The following VPS13D variants were observed in gnomAD, a reference collection of about 807,000 sequenced individuals.
VPS13D encodes the protein vacuolar protein sorting 13 homolog D, also known as intermembrane lipid transfer protein VPS13D.
In VPS13D, 187 loss-of-function variants were observed where a neutral mutation model predicts 461.9. The observed-to-expected ratio is 0.40, with a 90% CI of 0.36 to 0.46. The LOEUF (loss-of-function observed/expected upper bound fraction) is 0.46, where lower values mean the gene tolerates loss of function less well. Ranked by LOEUF, VPS13D falls within the 20% of genes least tolerant of loss-of-function variation. The pLI is 0.60. For synonymous variants in VPS13D, 1,951 were observed against 1,986.3 expected (o/e 0.98, Z 0.47); for missense variants, 4,711 against 5,364.9 (o/e 0.88, Z 3.81).
chr1:12,392,545 T>TAAA (rs139602760), intron 60 of VPS13D, among the ~76,000 whole-genome samples: 7 of 129,302 alleles, frequency 5.4e-5, no homozygotes, highest in African/African-American at 1.4e-4. Context: ...GTATAAATGT[T>TAAA]AAAAAAAAAA....
intron 55 of VPS13D, among the ~76,000 whole-genome samples, chr1:12,374,669 C>T (rs1489612371): frequency 2.6e-5 from 4 of 152,170 alleles, no homozygotes; most frequent in African/African-American, 4.8e-5. Context: ...ATGTGTCATT[C>T]AGTATGGGCT....
intron 65 of VPS13D, among the ~76,000 whole-genome samples, chr1:12,435,877 C>T (rs1645054088): frequency 6.6e-6 from 1 of 152,162 alleles, no homozygotes; most frequent in East Asian, 1.9e-4. Context: ...GCTGTACCAT[C>T]CAGGCCAAAG....
chr1:12,311,901 A>G lies in VPS13D; in HGVS notation c.6911A>G (p.Lys2304Arg), dbSNP rs1170155509. 6.2e-7 allele frequency: 1 copy of G among 1,614,156 alleles called. No homozygotes were observed. The change falls in exon 29 of 70, where the codon AAA (lysine) becomes AGA (arginine). Residue 2304 changes from lysine to arginine, a missense_variant. Transcript: ENST00000620676. The part of the protein sequence containing the change: ...VSLELKDPKR[K>R]EGAGSLARFD... ...CTGGAGCTTAAAGATCCAAAAAGAAAAGAAGGTGCTGGGTCCCTAGCCAGG... is the reference window on the plus strand; with the variant it reads ...CTGGAGCTTAAAGATCCAAAAAGAAGAGAAGGTGCTGGGTCCCTAGCCAGG...
At chr1:12,328,236 A>G (rs573928924) in intron 36 of VPS13D, among the ~76,000 whole-genome samples, 1 of 152,304 alleles carries the variant, frequency 6.6e-6, no homozygotes, top group South Asian at 2.1e-4. Context: ...AAAATCAAAA[A>G]CAAGAATCTT....
chr1:12,323,493 C>T (rs1643098894), intron 34 of VPS13D, among the ~76,000 whole-genome samples: 1 of 151,754 alleles, frequency 6.6e-6, no homozygotes, highest in Non-Finnish European at 1.5e-5. Flanking sequence ...CTGGCCAGGA[C>T]ACCACTTTAA....
chr1:12,383,536 G>A (rs1644310968), intron 58 of VPS13D, among the ~76,000 whole-genome samples: 3 of 152,182 alleles, frequency 2.0e-5, no homozygotes, highest in South Asian at 4.1e-4. Flanking sequence ...GTTAATGAGA[G>A]TAGGAGTGGA....
rs1316291417 is a variant in VPS13D, at chr1:12,381,976, TTCTTTC to T, written c.11191-996_11191-991del. Among the ~76,000 whole-genome samples the T allele has an allele frequency of 4.4e-3, 614 of 138,426 alleles. 2 individuals are homozygous for T. The highest frequency in any genetic ancestry group is 0.011 in the East Asian group (48 of 4,234). 90.8% of individuals were successfully genotyped at this position (138,426 alleles called of 152,430 possible). A position where few individuals can be genotyped will look rare whatever the true frequency, so the allele number is the denominator to read the frequency against. On this transcript the variant is annotated intron_variant, in intron 57 of 69. Coordinates refer to ENST00000620676, the MANE Select transcript of VPS13D (RefSeq NM_015378.4). ...TTTCTTTCTTTCTTTCTTTCTTTCT[TTCTTTC>T]TCTCTCTCTCTCTCCTTCCTTCCTT... is the stretch of plus-strand genomic sequence containing the variant.
chr1:12,492,982 G>A lies in VPS13D; in HGVS notation c.12663-4518G>A, dbSNP rs181855803. Among the ~76,000 whole-genome samples the A allele has an allele frequency of 7.3e-5, 11 of 151,370 alleles. 1 individual carries two copies. The highest frequency in any genetic ancestry group is 2.4e-4 in the African/African-American group (10 of 41,366). ...AAAAGCACAGGAATGAGAAACACAA[G>A]ATTCAGAACAGCGGCTGCCTTAGTT... On this transcript the variant is annotated intron_variant, in intron 67 of 69. Coordinates refer to ENST00000620676, the MANE Select transcript of VPS13D (RefSeq NM_015378.4).
intron 65 of VPS13D, among the ~76,000 whole-genome samples, chr1:12,424,205 A>G (rs1481903691): frequency 1.3e-5 from 2 of 152,200 alleles, no homozygotes; most frequent in Non-Finnish European, 2.9e-5. Flanking sequence ...CTATTTTCAA[A>G]AAGACTTTGA....
At chr1:12,451,020 C>T (rs1645256085) in intron 65 of VPS13D, among the ~76,000 whole-genome samples, 1 of 152,182 alleles carries the variant, frequency 6.6e-6, no homozygotes, top group Non-Finnish European at 1.5e-5. Flanking sequence ...GAGAGAAATT[C>T]AAGCCCCAGC....
Position 12,509,493 on chromosome 1 carries a change from A to T in VPS13D, c.*469A>T, listed in dbSNP as rs1395419107. 6.5e-6 allele frequency: 1 copy of T among 153,030 alleles called. No individual in the cohort carries two copies. Among genetic ancestry groups the T allele is most frequent in the East Asian group, 1.9e-4 (1 of 5,208 alleles). 9.5% of individuals were successfully genotyped at this position (153,030 alleles called of 1,614,324 possible). ...ACTGTCTATAGAAAGGCATTCTTAAAAGTTAAAGAATGTTACGTCTTAGTT... is the reference window on the plus strand; with the variant it reads ...ACTGTCTATAGAAAGGCATTCTTAATAGTTAAAGAATGTTACGTCTTAGTT... On this transcript the variant is annotated 3_prime_UTR_variant, in exon 70 of 70. Transcript: ENST00000620676.
At chr1:12,342,053 A>G (rs1180992830) in intron 41 of VPS13D, among the ~76,000 whole-genome samples, 168 bp downstream of exon 41, 1 of 152,100 alleles carries the variant, frequency 6.6e-6, no homozygotes, top group Admixed American at 6.5e-5. Context: ...TTTGTAGAGA[A>G]TCTATAGTCA....
chr1:12,278,121 A>G, intron 19 of VPS13D, 83 bp downstream of exon 19: 3 of 1,376,396 alleles, frequency 2.2e-6, no homozygotes, highest in African/African-American at 1.4e-5. Context: ...AACAGCAACA[A>G]TAAAATCCTT....
At chr1:12,408,466 T>TGA (rs1644683449) in intron 63 of VPS13D, among the ~76,000 whole-genome samples, 1 of 152,178 alleles carries the variant, frequency 6.6e-6, no homozygotes, top group South Asian at 2.1e-4. Flanking sequence ...TGGGCTCAGA[T>TGA]GATCCTCTCA....
intron 67 of VPS13D, among the ~76,000 whole-genome samples, chr1:12,488,691 A>G (rs1645836102): frequency 6.6e-6 from 1 of 150,700 alleles, no homozygotes; most frequent in South Asian, 2.1e-4. Context: ...AAAAAAAAAA[A>G]AGTAGTGAAA....
intron 61 of VPS13D, among the ~76,000 whole-genome samples, chr1:12,400,598 G>A (rs1051198226): frequency 1.6e-4 from 25 of 152,090 alleles, no homozygotes; most frequent in African/African-American, 5.6e-4. Context: ...GTCACTGTAG[G>A]AAAGTATAGC....
intron 24 of VPS13D, 112 bp downstream of exon 24, chr1:12,293,816 G>A (rs1076676): frequency 0.016 from 17,899 of 1,106,538 alleles, 211 homozygotes; most frequent in African/African-American, 0.039. Context: ...TTGCTAATAT[G>A]TTCTCCGTGT....
intron 27 of VPS13D, among the ~76,000 whole-genome samples, chr1:12,310,813 C>CTCCCTCCTTCCCTCCT (rs1557701277): frequency 8.6e-6 from 1 of 115,804 alleles, no homozygotes; most frequent in Non-Finnish European, 1.8e-5. Flanking sequence ...CCCTCCCTCC[C>CTCCCTCCTTCCCTCCT]TCCCTCCTTC....
At chr1:12,270,957 A>C (rs761040749) in intron 16 of VPS13D, 37 bp from the exon 17 acceptor site, 16 of 1,606,016 alleles carry the variant, frequency 1.0e-5, no homozygotes, top group Non-Finnish European at 8.5e-6. Context: ...CAGCCGTGTG[A>C]AAATTCTGAC....
Sources: gnomAD v4.1 joint callset for allele counts (sites outside exome capture counted in the v4.1 genomes callset) on GRCh38, gnomAD v4.1.1 for gene constraint, MANE v1.5 for transcripts, NCBI Gene and HGNC (gene_info 2026-07-23, HGNC 2026-07-21) for gene names.